The following MYL3 variants were observed in gnomAD, a reference collection of about 807,000 sequenced individuals.
MYL3 encodes the protein myosin light chain 3.
In MYL3, 11 loss-of-function variants were observed where a neutral mutation model predicts 21.3. That is an observed-to-expected ratio of 0.52 (90% CI 0.32 to 0.85). The LOEUF is 0.85. Ranked by LOEUF, MYL3 falls within the 40% of genes least tolerant of loss-of-function variation. The probability of loss-of-function intolerance (pLI) is 0.03; values close to 1 mark genes in which losing one functional copy is unlikely to be tolerated. For synonymous variants in MYL3, 88 were observed against 91.6 expected, an observed-to-expected ratio of 0.96 and a Z score of 0.22; for missense variants, 206 against 253.3, an observed-to-expected ratio of 0.81 and a Z score of 1.27.
In MYL3 at chr3:46,874,258, T is replaced by A. The variant is rs2030069309; in HGVS notation, c.-217-7658A>T. Among the ~76,000 whole-genome samples, 1 of 152,174 alleles carries A rather than the reference T, an allele frequency of 6.6e-6. No individual in the cohort carries two copies. The highest frequency in any genetic ancestry group is 2.4e-5 in the African/African-American group (1 of 41,436). The stretch of plus-strand genomic sequence containing the variant: ...CAGGATGGCCAGGCAGACACAACCC[T>A]GATTCCAGCCCTAGAGACATTCCCA... On this transcript the variant is annotated intron_variant, in intron 1 of 3. Transcript: ENST00000431168. The surrounding 1 kb of genome is among the most constrained non-coding windows in gnomAD (Gnocchi z 4.1).
chr3:46,873,106 T>A (rs2030002156), intron 1 of MYL3, among the ~76,000 whole-genome samples: 4 of 152,078 alleles, frequency 2.6e-5, no homozygotes, highest in Admixed American at 2.6e-4. Flanking sequence ...CGTGCTAAAT[T>A]TTCTAGTCAT....
chr3:46,864,462 C>G (rs1702027891), upstream of MYL3, among the ~76,000 whole-genome samples: 2 of 152,026 alleles, frequency 1.3e-5, no homozygotes, highest in Non-Finnish European at 2.9e-5. The surrounding 1 kb of genome is among the most constrained non-coding windows in gnomAD (Gnocchi z 4.7). Flanking sequence ...TCTACAGGCC[C>G]CAGGGATGCA....
rs569398881 is a variant in MYL3, at chr3:46,861,445, C to G, written c.130-458G>C. On this transcript the variant is annotated intron_variant, in intron 1 of 6. Transcript: ENST00000292327. The surrounding 1 kb of genome is among the most constrained non-coding windows in gnomAD (Gnocchi z 4.2). ...AAGGAGTAAGGGCAATGGTACAGGC[C>G]GAGGGCTGGTGGCTGGAAGCATCGA... 1.3e-5 allele frequency among the ~76,000 whole-genome samples: 2 copies of G among 152,142 alleles called. No homozygotes were observed. Among genetic ancestry groups the G allele is most frequent in the African/African-American group, 4.8e-5 (2 of 41,414 alleles).
Position 46,859,411 on chromosome 3 carries a change from AC to A in MYL3, c.481+63del. ...CAATGGGTCACAGGCCTGGGGGGCA[AC>A]AGAGTGGTTTCTCCCAGGATGTCCC... is the stretch of plus-strand genomic sequence containing the variant. On this transcript the variant is annotated intron_variant, in intron 4 of 6. Coordinates refer to ENST00000292327, the MANE Select transcript of MYL3 (RefSeq NM_000258.3). This position sits in a 1 kb window ranked among gnomAD's most constrained non-coding sequence, Gnocchi z 4.1. The A allele has an allele frequency of 6.2e-7, 1 of 1,604,264 alleles. No individual in the cohort carries two copies. The highest frequency in any genetic ancestry group is 8.5e-7 in the Non-Finnish European group (1 of 1,172,476).
Position 46,860,639 on chromosome 3 carries a change from T to C in MYL3, c.307+37A>G, listed in dbSNP as rs2227294. ...CAGCCCACCCAGCCAGTCTCCCCGG[T>C]ACTAACACTATGGGGGCTCTCGGGC... On this transcript the variant is annotated intron_variant, in intron 3 of 6. Coordinates refer to ENST00000292327, the MANE Select transcript of MYL3 (RefSeq NM_000258.3). This position sits in a 1 kb window ranked among gnomAD's most constrained non-coding sequence, Gnocchi z 4.6. The C allele has an allele frequency of 6.2e-7, 1 of 1,609,284 alleles. No homozygotes were observed. Among genetic ancestry groups the C allele is most frequent in the South Asian group, 1.1e-5 (1 of 91,008 alleles).
chr3:46,869,058 G>A (rs1036199366), intron 1 of MYL3, among the ~76,000 whole-genome samples: 1 of 151,190 alleles, frequency 6.6e-6, no homozygotes, highest in African/African-American at 2.4e-5. Flanking sequence ...GCAAGATGCA[G>A]CCCTGAGCCC....
chr3:46,859,515 A>G lies in MYL3; in HGVS notation c.441T>C (p.Thr147=). ...LRVFDKEGNG[T]VMGAELRHVL... ...CGTGGCGAAGCTCAGCACCCATGACAGTGCCATTGCCCTCCTTGTCGAAGA... is the reference window on the plus strand; with the variant it reads ...CGTGGCGAAGCTCAGCACCCATGACGGTGCCATTGCCCTCCTTGTCGAAGA... The change falls in exon 4 of 7, where the codon ACT becomes ACC. Residue 147 remains threonine (T), a synonymous_variant. Transcript: ENST00000292327. This position sits in a 1 kb window ranked among gnomAD's most constrained non-coding sequence, Gnocchi z 4.1. 1 of 1,614,224 alleles carries G rather than the reference A, an allele frequency of 6.2e-7. No individual in the cohort carries two copies. Among genetic ancestry groups the G allele is most frequent in the Non-Finnish European group, 8.5e-7 (1 of 1,180,036 alleles).
intron 1 of MYL3, among the ~76,000 whole-genome samples, chr3:46,876,462 A>G (rs115286342): frequency 0.021 from 3,201 of 152,332 alleles, 54 homozygotes; most frequent in Non-Finnish European, 0.034. Flanking sequence ...AGTGCACTTC[A>G]GAGTAGCTGG....
chr3:46,863,312 G>A lies in MYL3; in HGVS notation c.79C>T (p.Pro27Ser), dbSNP rs1248338056. The A allele has an allele frequency of 2.5e-6, 4 of 1,613,958 alleles. No homozygotes were observed. The Admixed American group carries it at 5.0e-5, about 20-fold the overall frequency. ...PKAAPAPAPP[P>S]EPERPKEVEF... ...ACCTCCTTAGGGCGCTCAGGCTCAGGGGGAGGTGCGGGAGCTGGAGCTGCC... is the reference window on the plus strand; with the variant it reads ...ACCTCCTTAGGGCGCTCAGGCTCAGAGGGAGGTGCGGGAGCTGGAGCTGCC... The change falls in exon 1 of 7, where the codon CCT becomes TCT. Residue 27 changes from proline to serine, a missense_variant. By Grantham distance (74) the Pro-to-Ser change is moderately conservative. Transcript: ENST00000292327.
chr3:46,863,120 G>C, intron 1 of MYL3, 142 bp downstream of exon 1: 1 of 1,263,338 alleles, frequency 7.9e-7, no homozygotes, highest in Non-Finnish European at 1.1e-6. Context: ...GAAGCAGTCA[G>C]GGCTTGTCTG....
chr3:46,868,373 G>A (rs992117828), upstream of MYL3, among the ~76,000 whole-genome samples: 7 of 152,130 alleles, frequency 4.6e-5, no homozygotes, highest in African/African-American at 1.7e-4. Flanking sequence ...ACCACACACA[G>A]ACAACTCTGT....
upstream of MYL3, among the ~76,000 whole-genome samples, chr3:46,864,470 G>A (rs1702028086): frequency 6.6e-6 from 1 of 151,962 alleles, no homozygotes; most frequent in African/African-American, 2.4e-5. The surrounding 1 kb of genome is among the most constrained non-coding windows in gnomAD (Gnocchi z 4.7). Flanking sequence ...CCCCAGGGAT[G>A]CACATTTCCC....
chr3:46,862,346 G>A lies in MYL3; in HGVS notation c.129+916C>T, dbSNP rs572400749. Among the ~76,000 whole-genome samples the A allele has an allele frequency of 6.6e-4, 101 of 152,322 alleles. 1 individual carries two copies. Among genetic ancestry groups the A allele is most frequent in the African/African-American group, 2.3e-3 (94 of 41,574 alleles). ...TGAGGAAACCACGCCTCAGAGCAGC[G>A]AAGAACTTGGCAACTAAAATGGAGC... On this transcript the variant is annotated intron_variant, in intron 1 of 6. Transcript: ENST00000292327.
At chr3:46,881,505 GC>G (rs1462690736) in intron 1 of MYL3, among the ~76,000 whole-genome samples, 1 of 152,154 alleles carries the variant, frequency 6.6e-6, no homozygotes, top group Non-Finnish European at 1.5e-5. Context: ...CCCAGGTCTG[GC>G]AGCCTCGAGC....
At position 46,861,075 on chromosome 3, in the gene MYL3, T is replaced by C; in HGVS notation, c.130-88A>G. Reference sequence around the variant, plus strand: ...GGCACTCGGTGGCCAGCCCAGAATGTCAACTGTCTCAGCCTGTCCCATTCC... The same window carrying C: ...GGCACTCGGTGGCCAGCCCAGAATGCCAACTGTCTCAGCCTGTCCCATTCC... On this transcript the variant is annotated intron_variant, in intron 1 of 6. Transcript: ENST00000292327. The surrounding 1 kb of genome is among the most constrained non-coding windows in gnomAD (Gnocchi z 4.2). 1 of 1,461,554 alleles carries C rather than the reference T, an allele frequency of 6.8e-7. No individual in the cohort carries two copies. Among genetic ancestry groups the C allele is most frequent in the Non-Finnish European group, 9.6e-7 (1 of 1,045,206 alleles). The allele number at this position is 1,461,554 out of a possible 1,614,324, so 90.5% of individuals were successfully genotyped here.
chr3:46,866,095 TG>T (rs1702046425), upstream of MYL3, among the ~76,000 whole-genome samples: 2 of 14,836 alleles, frequency 1.3e-4, no homozygotes, highest in Non-Finnish European at 2.6e-4. Flanking sequence ...GGCAGGAAGG[TG>T]GGCAGGGAGT....
intron 1 of MYL3, chr3:46,877,704 C>A (rs979115777): frequency 6.6e-6 from 1 of 152,260 alleles, no homozygotes; most frequent in African/African-American, 2.4e-5. Context: ...TGACTCAGGT[C>A]TTTTCTTGTC....
At chr3:46,858,175 G>T in intron 6 of MYL3, 56 bp downstream of exon 6, 2 of 1,576,448 alleles carry the variant, frequency 1.3e-6, no homozygotes, top group Non-Finnish European at 1.7e-6. Flanking sequence ...GAGCACTGCA[G>T]CTGGTGGAGT....
chr3:46,870,941 C>T (rs1702103930), intron 1 of MYL3, among the ~76,000 whole-genome samples: 2 of 152,228 alleles, frequency 1.3e-5, no homozygotes, highest in African/African-American at 2.4e-5. Flanking sequence ...CGCTGTACCA[C>T]ACACCTTTAC....
Sources: gnomAD v4.1 joint callset for allele counts (sites outside exome capture counted in the v4.1 genomes callset) on GRCh38, gnomAD v4.1.1 for gene constraint, Gnocchi (gnomAD v3.1) non-coding constraint, MANE v1.5 for transcripts, NCBI Gene and HGNC (gene_info 2026-07-23, HGNC 2026-07-21) for gene names.